Variants in PTPRN2 observed in about 807,000 individuals in gnomAD.
The protein encoded by PTPRN2 is protein tyrosine phosphatase receptor type N2.
In PTPRN2, 74 loss-of-function variants were observed where a neutral mutation model predicts 118.8. The observed-to-expected ratio is 0.62, with a 90% CI of 0.52 to 0.76. PTPRN2 has a LOEUF of 0.76. Ranked by LOEUF, PTPRN2 falls within the 30% of genes least tolerant of loss-of-function variation. The pLI, the probability that PTPRN2 is intolerant of heterozygous loss-of-function variation, is 0.00. For missense variants in PTPRN2, 1,481 were observed against 1,394.4 expected (o/e 1.06, Z -0.99); for synonymous variants, 641 against 608.0 (o/e 1.05, Z -0.80).
At chr7:158,414,180 C>A (rs960511097) in intron 2 of PTPRN2, among the ~76,000 whole-genome samples, 1 of 151,644 alleles carries the variant, frequency 6.6e-6, no homozygotes, top group Non-Finnish European at 1.5e-5. Flanking sequence ...ACTTCCAGAG[C>A]GTAGGGAATC....
At chr7:157,978,688 T>C (rs1802922507) in intron 11 of PTPRN2, among the ~76,000 whole-genome samples, 5 of 151,972 alleles carry the variant, frequency 3.3e-5, no homozygotes, top group Admixed American at 3.3e-4. Flanking sequence ...TGATTCTTTC[T>C]GAACAAGAGT....
At chr7:157,995,353 G>T (rs963061793) in intron 11 of PTPRN2, among the ~76,000 whole-genome samples, 1 of 151,998 alleles carries the variant, frequency 6.6e-6, no homozygotes, top group African/African-American at 2.4e-5. Context: ...ACAGCTCCTT[G>T]TTCCTAAATC....
chr7:158,518,587 G>A (rs535482461), intron 1 of PTPRN2, among the ~76,000 whole-genome samples: 5 of 152,252 alleles, frequency 3.3e-5, no homozygotes, highest in African/African-American at 9.6e-5. Context: ...TTACCAGGAC[G>A]GCATGACCAT....
chr7:158,522,220 A>G (rs13310949), intron 1 of PTPRN2, among the ~76,000 whole-genome samples: 308 of 22,742 alleles, frequency 0.014, 4 homozygotes, highest in African/African-American at 0.023. Context: ...TGGACTGTCC[A>G]GGTAGTGGCT....
intron 2 of PTPRN2, among the ~76,000 whole-genome samples, chr7:158,382,740 G>C (rs1048220156): frequency 1.3e-5 from 2 of 152,218 alleles, no homozygotes; most frequent in Non-Finnish European, 2.9e-5. Flanking sequence ...GATCCAAGGT[G>C]GAGCTGAGGC....
At chr7:157,655,192 G>T (rs993957809) in intron 14 of PTPRN2, among the ~76,000 whole-genome samples, 12 of 152,198 alleles carry the variant, frequency 7.9e-5, no homozygotes, top group African/African-American at 2.9e-4. Context: ...CTCAGGGATC[G>T]GGAAAGCCAG....
intron 12 of PTPRN2, among the ~76,000 whole-genome samples, chr7:157,756,302 TAA>T (rs1237488356): frequency 6.9e-6 from 1 of 145,284 alleles, no homozygotes; most frequent in African/African-American, 2.8e-5. Context: ...ATCTTTTAAT[TAA>T]TTTTTTTTTT....
chr7:158,559,572 T>G (rs1827246421), intron 1 of PTPRN2, among the ~76,000 whole-genome samples: 2 of 152,220 alleles, frequency 1.3e-5, no homozygotes, highest in Admixed American at 1.3e-4. Flanking sequence ...TTCCTCTTTC[T>G]GAGATGTGAC....
At chr7:158,312,538 ATG>A (rs899622752) in intron 3 of PTPRN2, among the ~76,000 whole-genome samples, 5 of 32,930 alleles carry the variant, frequency 1.5e-4, no homozygotes, top group Non-Finnish European at 4.8e-4. Context: ...CTGCACACAC[ATG>A]TGCTCCAGTG....
At chr7:157,769,091 G>A (rs1395951191) in intron 12 of PTPRN2, among the ~76,000 whole-genome samples, 4 of 152,182 alleles carry the variant, frequency 2.6e-5, no homozygotes, top group Non-Finnish European at 5.9e-5. Flanking sequence ...CGAACGGGAG[G>A]AGCGTTTGCC....
intron 11 of PTPRN2, among the ~76,000 whole-genome samples, chr7:158,049,343 T>C (rs1563362005): frequency 6.6e-6 from 1 of 152,196 alleles, no homozygotes; most frequent in African/African-American, 2.4e-5. Flanking sequence ...TTCCTCTACA[T>C]GTTCAGCCCT....
At chr7:158,444,046 G>A (rs775332765) in intron 2 of PTPRN2, among the ~76,000 whole-genome samples, 1 of 152,162 alleles carries the variant, frequency 6.6e-6, no homozygotes, top group African/African-American at 2.4e-5. Flanking sequence ...GTTCAGTCAG[G>A]GTCCTGCCCT....
intron 16 of PTPRN2, among the ~76,000 whole-genome samples, chr7:157,602,365 C>T (rs1638008): frequency 4.6e-5 from 7 of 151,912 alleles, no homozygotes; most frequent in South Asian, 4.2e-4. Flanking sequence ...CCAGCAGAGC[C>T]GAGAGCTGAG....
intron 3 of PTPRN2, among the ~76,000 whole-genome samples, chr7:158,246,145 TGATTGATA>T (rs1389098027): frequency 6.6e-6 from 1 of 151,964 alleles, no homozygotes; most frequent in East Asian, 1.9e-4. Context: ...ATTGATTGAT[TGATTGATA>T]ATTTGATTTA....
intron 10 of PTPRN2, among the ~76,000 whole-genome samples, chr7:158,094,515 G>T (rs886572117): frequency 6.6e-6 from 1 of 151,916 alleles, no homozygotes; most frequent in Non-Finnish European, 1.5e-5. Flanking sequence ...CACTATGTTG[G>T]CCAGGCTGGT....
chr7:158,147,291 CT>C (rs1820194511), intron 6 of PTPRN2, among the ~76,000 whole-genome samples: 1 of 110,680 alleles, frequency 9.0e-6, no homozygotes. Context: ...TGTCTTTCCC[CT>C]TCAATGACAC....
chr7:158,040,129 C>A (rs560925270), intron 11 of PTPRN2, among the ~76,000 whole-genome samples: 3 of 151,698 alleles, frequency 2.0e-5, no homozygotes, highest in African/African-American at 7.3e-5. Flanking sequence ...GGGACAATTA[C>A]AAAAGGTATA....
intron 2 of PTPRN2, among the ~76,000 whole-genome samples, chr7:158,329,694 T>A (rs1171840652): frequency 2.0e-5 from 3 of 152,170 alleles, no homozygotes; most frequent in Non-Finnish European, 4.4e-5. Flanking sequence ...ACTAAGACAC[T>A]GCGTATTATT....
At chr7:158,461,102 T>A (rs533660192) in intron 2 of PTPRN2, among the ~76,000 whole-genome samples, 19 of 152,358 alleles carry the variant, frequency 1.2e-4, no homozygotes, top group Non-Finnish European at 1.8e-4. Context: ...GTGGCTTCAC[T>A]TAAGATCAGA....
Sources: gnomAD v4.1 joint callset for allele counts (sites outside exome capture counted in the v4.1 genomes callset) on GRCh38, gnomAD v4.1.1 for gene constraint, MANE v1.5 for transcripts, NCBI Gene and HGNC (gene_info 2026-07-23, HGNC 2026-07-21) for gene names.